ZP3: variants seen among roughly 807,000 people sequenced by gnomAD.
The protein encoded by ZP3 is zona pellucida sperm-binding protein 3.
Under a neutral mutation model 35.6 loss-of-function variants are expected in ZP3, and 21 were observed. The ratio of observed to expected loss-of-function variants is 0.59; its 90% CI spans 0.42 to 0.85. The LOEUF (loss-of-function observed/expected upper bound fraction) is 0.85. Among genes scored for constraint, ZP3 ranks in the 40% least tolerant of loss-of-function variants. The probability of loss-of-function intolerance (pLI) is 0.00; values close to 1 mark genes in which losing one functional copy is unlikely to be tolerated. For synonymous variants in ZP3, 207 were observed against 214.5 expected (o/e 0.96, Z 0.31); for missense variants, 437 against 536.5 (o/e 0.81, Z 1.83).
intron 1 of ZP3, among the ~76,000 whole-genome samples, chr7:76,416,957 T>TGTATACATAC (rs1563692966): frequency 3.5e-4 from 49 of 140,496 alleles, no homozygotes; most frequent in African/African-American, 1.0e-3. Context: ...TATATATATA[T>TGTATACATAC]ATATATATAT....
At chr7:76,429,140 T>G in intron 1 of ZP3, 1 of 258,742 alleles carries the variant, frequency 3.9e-6, no homozygotes, top group Non-Finnish European at 7.7e-6. Context: ...CTCTATTGCT[T>G]GGGTGTTACA....
At chr7:76,398,909 T>C in intron 1 of ZP3, 1 of 1,071,912 alleles carries the variant, frequency 9.3e-7, no homozygotes, top group Non-Finnish European at 1.4e-6. Context: ...CCAGAGCCTC[T>C]GGCCACACAA....
intron 2 of ZP3, 85 bp downstream of exon 2, chr7:76,429,718 C>A: frequency 8.8e-7 from 1 of 1,136,154 alleles, no homozygotes. Context: ...TGGGCTACAG[C>A]TTGCAGCATG....
chr7:76,427,817 G>A (rs1010515324), intron 1 of ZP3, among the ~76,000 whole-genome samples: 5 of 152,060 alleles, frequency 3.3e-5, no homozygotes, highest in Non-Finnish European at 5.9e-5. Context: ...TAGCTGGGAT[G>A]GACTACAGGC....
At chr7:76,423,007 A>AAGAG (rs747350112), upstream of ZP3, among the ~76,000 whole-genome samples, 204 of 76,110 alleles carry the variant, frequency 2.7e-3, 10 homozygotes, top group Middle Eastern at 6.4e-3. Context: ...AAAAGAAAGA[A>AAGAG]AGAGAGAGAG....
rs1180846234 is a variant in ZP3, at chr7:76,419,617, CTTCTTTCTTTCTTT to C, written c.-66-5419_-66-5406del. On this transcript the variant is annotated intron_variant, in intron 1 of 8. Coordinates refer to the ZP3 transcript ENST00000336517. Reference sequence around the variant, plus strand: ...GTTCTTTTTCTTTCTCCCTTCCTTCCTTCTTTCTTTCTTTTTCTTTCTTTCTTTTCTCTCTCTCT... The same window carrying C: ...GTTCTTTTTCTTTCTCCCTTCCTTCCTTCTTTCTTTCTTTTCTCTCTCTCT... 2.6e-5 allele frequency among the ~76,000 whole-genome samples: 4 copies of C among 151,846 alleles called. No individual in the cohort carries two copies. The East Asian group carries it at 5.8e-4, about 22-fold the overall frequency.
intron 1 of ZP3, chr7:76,404,291 A>G: frequency 6.4e-7 from 1 of 1,567,042 alleles, no homozygotes; most frequent in Non-Finnish European, 8.6e-7. Flanking sequence ...GCAAGGGCTA[A>G]CAGGGGAGGA....
At position 76,425,123 on chromosome 7, in the gene ZP3, C is replaced by T. The variant is rs1333316959; in HGVS notation, c.159C>T (p.Val53=). 2 of 1,613,966 alleles carry T rather than the reference C, an allele frequency of 1.2e-6. No homozygotes were observed. Among genetic ancestry groups the T allele is most frequent in the Non-Finnish European group, 1.7e-6 (2 of 1,180,024 alleles). Residue 53 remains valine (V), a synonymous_variant, in exon 1 of 8, where the codon GTC becomes GTT. Transcript: ENST00000394857. ...LVECQEATLM[V]MVSKDLFGTG... is the part of the protein sequence containing the mutation. ...AGTGTCAGGAGGCCACTCTGATGGT[C>T]ATGGTCAGCAAAGACCTTTTTGGCA...
intron 1 of ZP3, chr7:76,428,630 C>T (rs1805740600): frequency 1.3e-5 from 2 of 152,316 alleles, no homozygotes; most frequent in African/African-American, 4.8e-5. Flanking sequence ...GTCTCCCCCA[C>T]CTTATGTGAA....
chr7:76,409,950 A>G (rs1482153790), intron 1 of ZP3, among the ~76,000 whole-genome samples: 1 of 152,206 alleles, frequency 6.6e-6, no homozygotes, highest in Non-Finnish European at 1.5e-5. Context: ...CCCAGGAGCC[A>G]CAGTGTATGG....
chr7:76,406,858 A>G (rs553279924), intron 1 of ZP3, among the ~76,000 whole-genome samples: 1 of 151,424 alleles, frequency 6.6e-6, no homozygotes, highest in African/African-American at 2.4e-5. Flanking sequence ...AGTCTCTCAG[A>G]CCTTCCTTCA....
intron 1 of ZP3, among the ~76,000 whole-genome samples, chr7:76,405,685 A>G (rs1805002246): frequency 6.6e-6 from 1 of 151,996 alleles, no homozygotes; most frequent in African/African-American, 2.4e-5. Flanking sequence ...ACGACGGCAG[A>G]GGCAAAAGCT....
At chr7:76,431,042 C>T (rs760078356) in intron 2 of ZP3, among the ~76,000 whole-genome samples, 6 of 152,200 alleles carry the variant, frequency 3.9e-5, no homozygotes, top group Non-Finnish European at 7.4e-5. Context: ...TGGGTGAGGA[C>T]TGAATCTCCA....
intron 1 of ZP3, among the ~76,000 whole-genome samples, chr7:76,412,965 C>CTTTTTT (rs1160174272): frequency 2.9e-5 from 3 of 102,590 alleles, no homozygotes; most frequent in African/African-American, 4.8e-5. Flanking sequence ...TCTTCTTCTT[C>CTTTTTT]TTTTTTTTTT....
chr7:76,435,369 G>C (rs1416841424), intron 5 of ZP3, among the ~76,000 whole-genome samples: 1 of 152,218 alleles, frequency 6.6e-6, no homozygotes, highest in Non-Finnish European at 1.5e-5. Context: ...TGTCCAGGCT[G>C]GTCCCAAACT....
chr7:76,437,470 CTTTTTTTT>C (rs71521129), intron 5 of ZP3, among the ~76,000 whole-genome samples: 262 of 134,898 alleles, frequency 1.9e-3, no homozygotes, highest in African/African-American at 6.7e-3. Flanking sequence ...ACACTCCCCT[CTTTTTTTT>C]TTTTTTTTTG....
chr7:76,402,747 G>A (rs543766333), intron 1 of ZP3, among the ~76,000 whole-genome samples: 19 of 152,086 alleles, frequency 1.2e-4, no homozygotes, highest in Non-Finnish European at 2.2e-4. Flanking sequence ...TTTGCTCACC[G>A]CAACCTCCCC....
At chr7:76,412,497 A>C (rs1461680688) in intron 1 of ZP3, among the ~76,000 whole-genome samples, 2 of 152,182 alleles carry the variant, frequency 1.3e-5, no homozygotes, top group Non-Finnish European at 2.9e-5. Context: ...AAATAACAGA[A>C]CTATACACAC....
intron 3 of ZP3, 103 bp downstream of exon 3, chr7:76,433,133 G>GGTTGGTTTTT (rs1169440441): frequency 4.2e-6 from 2 of 472,894 alleles, no homozygotes; most frequent in Non-Finnish European, 7.6e-6. Context: ...TTTTGGTTTT[G>GGTTGGTTTTT]GTTGGTTTTG....
Sources: gnomAD v4.1 joint callset for allele counts (sites outside exome capture counted in the v4.1 genomes callset) on GRCh38, gnomAD v4.1.1 for gene constraint, MANE v1.5 for transcripts, NCBI Gene and HGNC (gene_info 2026-07-23, HGNC 2026-07-21) for gene names.